CNTN4: variants seen among roughly 807,000 people sequenced by gnomAD.
The protein encoded by CNTN4 is contactin 4, also known as contactin-4.
In CNTN4, 77 loss-of-function variants were observed where a neutral mutation model predicts 122.5. That is an observed-to-expected ratio of 0.63 (90% CI 0.52 to 0.76). The LOEUF is 0.76. Among genes scored for constraint, CNTN4 ranks in the 30% least tolerant of loss-of-function variants. The probability of loss-of-function intolerance (pLI) is 0.00; values close to 1 mark genes in which losing one functional copy is unlikely to be tolerated. For missense variants in CNTN4, 1,256 were observed against 1,259.1 expected, an observed-to-expected ratio of 1.00 and a Z score of 0.04; for synonymous variants, 512 against 447.0, an observed-to-expected ratio of 1.15 and a Z score of -1.83.
intron 2 of CNTN4, among the ~76,000 whole-genome samples, chr3:2,118,037 T>G (rs1351771060): frequency 6.6e-6 from 1 of 152,230 alleles, no homozygotes; most frequent in African/African-American, 2.4e-5. Flanking sequence ...AAAAATGCAT[T>G]GGTTGTCTAA....
intron 4 of CNTN4, among the ~76,000 whole-genome samples, chr3:2,680,518 A>G (rs1436021362): frequency 5.9e-5 from 9 of 152,118 alleles, no homozygotes; most frequent in African/African-American, 1.9e-4. Context: ...AAGACTCACT[A>G]TTTCCTCTTC....
intron 2 of CNTN4, among the ~76,000 whole-genome samples, chr3:2,334,864 A>C (rs4685512): frequency 0.077 from 11,716 of 152,108 alleles, 512 homozygotes; most frequent in Middle Eastern, 0.086. Flanking sequence ...TCATGCTCTT[A>C]CCTGTCACTT....
intron 4 of CNTN4, among the ~76,000 whole-genome samples, chr3:2,577,499 C>T (rs2079747101): frequency 6.6e-6 from 1 of 152,144 alleles, no homozygotes; most frequent in Non-Finnish European, 1.5e-5. Context: ...TTGAGCAAGT[C>T]ATTGTACCTA....
intron 4 of CNTN4, among the ~76,000 whole-genome samples, chr3:2,672,207 C>T (rs2084562880): frequency 6.6e-6 from 1 of 152,206 alleles, no homozygotes; most frequent in Non-Finnish European, 1.5e-5. Flanking sequence ...GCCCTGCCCC[C>T]AGTGGTGGAG....
intron 3 of CNTN4, among the ~76,000 whole-genome samples, chr3:2,389,599 T>G (rs1219017236): frequency 6.6e-6 from 1 of 152,210 alleles, no homozygotes; most frequent in Non-Finnish European, 1.5e-5. Flanking sequence ...TTTTCTTTCC[T>G]TTTACTATGG....
chr3:2,110,744 T>TTGC (rs1320139485), intron 2 of CNTN4: 1 of 151,526 alleles, frequency 6.6e-6, no homozygotes, highest in Non-Finnish European at 1.5e-5. Flanking sequence ...TTTTTGGTTG[T>TTGC]TGTTGTGAGA....
chr3:2,511,327 G>A (rs943129046), intron 3 of CNTN4: 2 of 152,218 alleles, frequency 1.3e-5, no homozygotes, highest in African/African-American at 4.8e-5. Flanking sequence ...TTTGATCGGA[G>A]AACAAACTTG....
Position 3,028,201 on chromosome 3 carries a change from G to A in CNTN4, c.1662+1924G>A, listed in dbSNP as rs535537625. 8.5e-5 allele frequency among the ~76,000 whole-genome samples: 13 copies of A among 152,230 alleles called. No homozygotes were observed. In the South Asian group the frequency reaches 2.7e-3, roughly 32 times the overall value. ...GTTTTATAAAAGTTATTATTTCATT[G>A]TCCTCTGATACACCCCATCCCCACC... On this transcript the variant is annotated intron_variant, in intron 15 of 24. Transcript: ENST00000418658.
At chr3:2,383,643 G>A (rs1213458451) in intron 3 of CNTN4, among the ~76,000 whole-genome samples, 3 of 118,526 alleles carry the variant, frequency 2.5e-5, no homozygotes, top group East Asian at 4.9e-4. Context: ...CTCCCTCTCC[G>A]CCACTCTCTC....
In CNTN4 at chr3:2,950,552, C is replaced by T. The variant is rs185649780; in HGVS notation, c.1358+24773C>T. ...CTTACCTCTGTGCATGACATGTGAG[C>T]CCAAAGATGCTGGACTAGGTCCTCT... On this transcript the variant is annotated intron_variant, in intron 13 of 24. Coordinates refer to ENST00000418658, the MANE Select transcript of CNTN4 (RefSeq NM_175607.3). Among the ~76,000 whole-genome samples the T allele has an allele frequency of 3.8e-3, 574 of 152,270 alleles. 3 individuals are homozygous for T. Among genetic ancestry groups the T allele is most frequent in the Admixed American group, 6.3e-3 (96 of 15,294 alleles).
At chr3:3,047,361 G>C (rs558524329) in intron 23 of CNTN4, among the ~76,000 whole-genome samples, 1 of 152,168 alleles carries the variant, frequency 6.6e-6, no homozygotes, top group South Asian at 2.1e-4. Context: ...TTCCATAATT[G>C]ACCTCATAGG....
At chr3:2,617,527 T>A (rs1257263390) in intron 4 of CNTN4, among the ~76,000 whole-genome samples, 1 of 150,338 alleles carries the variant, frequency 6.7e-6, no homozygotes, top group Non-Finnish European at 1.5e-5. Flanking sequence ...TTCAAGTGAT[T>A]CTCCTGCCTC....
intron 2 of CNTN4, among the ~76,000 whole-genome samples, chr3:2,197,902 C>G (rs2037920580): frequency 1.3e-5 from 2 of 151,894 alleles, no homozygotes; most frequent in Admixed American, 6.6e-5. Flanking sequence ...GTAATCTCAG[C>G]TACTTGTGAG....
intron 2 of CNTN4, among the ~76,000 whole-genome samples, chr3:2,176,376 T>G (rs2036749167): frequency 6.6e-6 from 1 of 152,154 alleles, no homozygotes; most frequent in African/African-American, 2.4e-5. Context: ...GGTACTATGA[T>G]TGTTTTGGGT....
chr3:2,223,312 A>G (rs2039136239), intron 2 of CNTN4, among the ~76,000 whole-genome samples: 2 of 152,038 alleles, frequency 1.3e-5, no homozygotes, highest in Admixed American at 1.3e-4. Flanking sequence ...TTACCTTTCT[A>G]TCCCTGCTTT....
intron 3 of CNTN4, among the ~76,000 whole-genome samples, chr3:2,356,939 C>G (rs1219671178): frequency 6.6e-6 from 1 of 152,174 alleles, no homozygotes; most frequent in Admixed American, 6.5e-5. Context: ...AAGACTAGCA[C>G]TAGACATTTT....
intron 14 of CNTN4, among the ~76,000 whole-genome samples, chr3:3,019,797 T>C (rs745667550): frequency 0.09 from 11,423 of 126,296 alleles, 620 homozygotes; most frequent in Admixed American, 0.13. Flanking sequence ...TATATATATA[T>C]ACACATGCAT....
intron 4 of CNTN4, among the ~76,000 whole-genome samples, chr3:2,676,346 C>T (rs892882351): frequency 4.6e-5 from 7 of 152,138 alleles, no homozygotes; most frequent in East Asian, 1.9e-4. Flanking sequence ...CTCAGCCTCC[C>T]GAGTAGCTGG....
chr3:2,984,238 G>A lies in CNTN4; in HGVS notation c.1359-4107G>A, dbSNP rs377235921. Among the ~76,000 whole-genome samples, 221 of 152,184 alleles carry A rather than the reference G, an allele frequency of 1.5e-3. 1 individual carries two copies. Among genetic ancestry groups the A allele is most frequent in the African/African-American group, 5.2e-3 (217 of 41,534 alleles). On this transcript the variant is annotated intron_variant, in intron 13 of 24. Transcript: ENST00000418658. ...CAGGAAGCAGGATGGAAATGATGGT[G>A]GGGAAAACATTTGAAGAGTGTGAAG...
Sources: allele counts gnomAD v4.1 joint callset (sites outside exome capture counted in the v4.1 genomes callset), GRCh38; gene constraint gnomAD v4.1.1; transcripts MANE v1.5; gene names NCBI Gene and HGNC (gene_info 2026-07-23, HGNC 2026-07-21).